The following ATP8A2 variants were observed in gnomAD, a reference collection of about 807,000 sequenced individuals.
The protein encoded by ATP8A2 is ATPase phospholipid transporting 8A2.
ATP8A2 carries 100 observed loss-of-function variants against 165.6 expected under a neutral mutation model. That is an observed-to-expected ratio of 0.60 (90% confidence interval 0.51 to 0.71). The LOEUF (loss-of-function observed/expected upper bound fraction) is 0.71. Among genes scored for constraint, ATP8A2 ranks in the 30% least tolerant of loss-of-function variants. ATP8A2 has a pLI of 0.00. For synonymous variants in ATP8A2, 543 were observed against 548.8 expected, an observed-to-expected ratio of 0.99 and a Z score of 0.15; for missense variants, 1,227 against 1,479.5, an observed-to-expected ratio of 0.83 and a Z score of 2.80.
chr13:25,592,849 T>C (rs1430664112), intron 24 of ATP8A2, among the ~76,000 whole-genome samples: 1 of 152,226 alleles, frequency 6.6e-6, no homozygotes, highest in Non-Finnish European at 1.5e-5. Flanking sequence ...GGTGTTTTCC[T>C]GACTTGCCTT....
intron 27 of ATP8A2, among the ~76,000 whole-genome samples, chr13:25,809,372 G>A (rs1950812005): frequency 6.6e-6 from 1 of 152,104 alleles, no homozygotes; most frequent in Non-Finnish European, 1.5e-5. Context: ...TATCTAAAAT[G>A]AAAATCTATA....
At chr13:25,754,414 T>C (rs1255899413) in intron 25 of ATP8A2, among the ~76,000 whole-genome samples, 3 of 148,174 alleles carry the variant, frequency 2.0e-5, no homozygotes, top group Non-Finnish European at 4.5e-5. Context: ...AAAAAAAGTA[T>C]GCGATTTTTT....
chr13:25,551,849 C>T (rs1196281609), intron 11 of ATP8A2, among the ~76,000 whole-genome samples: 4 of 152,026 alleles, frequency 2.6e-5, no homozygotes, highest in Non-Finnish European at 5.9e-5. Context: ...TCCAGCGTAC[C>T]TCCATTTCCT....
intron 35 of ATP8A2, among the ~76,000 whole-genome samples, chr13:25,996,936 G>A (rs997143200): frequency 2.0e-5 from 3 of 152,060 alleles, no homozygotes; most frequent in Non-Finnish European, 4.4e-5. Flanking sequence ...CTCCCACCTC[G>A]GCCTCCCAAA....
intron 2 of ATP8A2, among the ~76,000 whole-genome samples, chr13:25,512,892 T>G (rs369806167): frequency 2.6e-5 from 3 of 113,810 alleles, no homozygotes; most frequent in South Asian, 3.1e-4. Flanking sequence ...CCGGACGGGG[T>G]GGCTGGCCAG....
chr13:25,419,264 TA>T (rs2034225811), intron 1 of ATP8A2, among the ~76,000 whole-genome samples: 1 of 152,160 alleles, frequency 6.6e-6, no homozygotes, highest in South Asian at 2.1e-4. Flanking sequence ...TCCAATCACT[TA>T]ACTCCAAATA....
chr13:25,987,332 C>T (rs1165882349), intron 35 of ATP8A2, among the ~76,000 whole-genome samples: 1 of 152,194 alleles, frequency 6.6e-6, no homozygotes, highest in Non-Finnish European at 1.5e-5. Context: ...GCTGTTCTTC[C>T]AACTGGAAAA....
chr13:25,708,147 C>A (rs1192711885), intron 25 of ATP8A2, among the ~76,000 whole-genome samples: 1 of 152,114 alleles, frequency 6.6e-6, no homozygotes. Flanking sequence ...CACACTGTGG[C>A]CTAAAATTCT....
At chr13:25,479,744 T>C (rs374802187) in intron 2 of ATP8A2, among the ~76,000 whole-genome samples, 153 of 152,210 alleles carry the variant, frequency 1.0e-3, no homozygotes, top group East Asian at 6.8e-3. Flanking sequence ...CATCTTGCAC[T>C]GCCCTTAATC....
chr13:25,817,415 C>G (rs1951056230), intron 27 of ATP8A2, among the ~76,000 whole-genome samples: 2 of 150,524 alleles, frequency 1.3e-5, no homozygotes, highest in South Asian at 4.2e-4. Context: ...TGTAGTTTTG[C>G]AGAAACAGAG....
chr13:25,630,645 G>A (rs913833064), intron 24 of ATP8A2, among the ~76,000 whole-genome samples: 2 of 152,090 alleles, frequency 1.3e-5, no homozygotes, highest in African/African-American at 2.4e-5. Context: ...TGAGGGAATG[G>A]GCTCTACAGG....
chr13:25,635,359 G>T (rs1429576722), intron 24 of ATP8A2, among the ~76,000 whole-genome samples: 1 of 152,126 alleles, frequency 6.6e-6, no homozygotes, highest in African/African-American at 2.4e-5. Flanking sequence ...CATAGTTTGG[G>T]GAGTGTTCTA....
intron 33 of ATP8A2, among the ~76,000 whole-genome samples, chr13:25,900,738 T>C (rs1271703048): frequency 2.6e-5 from 4 of 152,182 alleles, no homozygotes; most frequent in African/African-American, 7.2e-5. Context: ...TTTATTTTTA[T>C]TTCTCAAAGA....
intron 25 of ATP8A2, among the ~76,000 whole-genome samples, chr13:25,729,439 A>T (rs2043567445): frequency 6.6e-6 from 1 of 152,196 alleles, no homozygotes; most frequent in South Asian, 2.1e-4. Context: ...ACCCTGATTC[A>T]TACCTTTTAG....
chr13:25,522,391 C>T (rs1247899583), intron 2 of ATP8A2, among the ~76,000 whole-genome samples: 1 of 152,070 alleles, frequency 6.6e-6, no homozygotes, highest in African/African-American at 2.4e-5. Context: ...AGTTCGGATG[C>T]CCTTTATTTA....
chr13:25,642,812 C>G (rs1028464937), intron 24 of ATP8A2, among the ~76,000 whole-genome samples: 1 of 152,144 alleles, frequency 6.6e-6, no homozygotes, highest in African/African-American at 2.4e-5. Context: ...TGGGACCAAT[C>G]AAAATGTCCA....
In ATP8A2 at chr13:25,468,865, C is replaced by T. The variant is rs914012035; in HGVS notation, c.77-112C>T. On this transcript the variant is annotated intron_variant, in intron 1 of 36. Coordinates refer to ENST00000381655, the MANE Select transcript of ATP8A2 (RefSeq NM_016529.6). Reference sequence around the variant, plus strand: ...GGTACGTAGGCGGCGTCCGCCTCACCCGAGCATCCTTCCCCGCCGGTGGCC... The same window carrying T: ...GGTACGTAGGCGGCGTCCGCCTCACTCGAGCATCCTTCCCCGCCGGTGGCC... The T allele has an allele frequency of 4.6e-6, 7 of 1,527,354 alleles. No individual in the cohort carries two copies. The Admixed American group carries it at 5.7e-5, about 12-fold the overall frequency. 94.6% of individuals were successfully genotyped at this position (1,527,354 alleles called of 1,614,324 possible).
intron 4 of ATP8A2, among the ~76,000 whole-genome samples, chr13:25,531,177 A>ATGT (rs2038028884): frequency 1.1e-5 from 1 of 91,640 alleles, no homozygotes; most frequent in Non-Finnish European, 2.5e-5. Flanking sequence ...GTTATATGAT[A>ATGT]TATATATGTT....
chr13:25,449,392 C>T (rs1455102586), intron 1 of ATP8A2, among the ~76,000 whole-genome samples: 1 of 152,162 alleles, frequency 6.6e-6, no homozygotes, highest in Non-Finnish European at 1.5e-5. Context: ...TATGGAGATT[C>T]CCCAGAGAGC....
Sources: allele counts gnomAD v4.1 joint callset (sites outside exome capture counted in the v4.1 genomes callset), GRCh38; gene constraint gnomAD v4.1.1; transcripts MANE v1.5; gene names NCBI Gene and HGNC (gene_info 2026-07-23, HGNC 2026-07-21).